The following ADRA1D variants were observed in gnomAD, a reference collection of about 807,000 sequenced individuals.
ADRA1D encodes adrenoceptor alpha 1D.
ADRA1D carries 22 observed loss-of-function variants against 18.6 expected under a neutral mutation model. The observed-to-expected ratio is 1.19, with a 90% confidence interval of 0.85 to 1.69. The LOEUF is 1.69. ADRA1D is among the 40% of genes most tolerant of loss of function. The pLI, the probability that ADRA1D is intolerant of heterozygous loss-of-function variation, is 0.00. For missense variants in ADRA1D, 840 were observed against 840.7 expected (o/e 1.00, Z 0.01); for synonymous variants, 376 against 388.2 (o/e 0.97, Z 0.37).
chr20:4,232,778 T>C (rs936268423), intron 1 of ADRA1D, among the ~76,000 whole-genome samples: 12 of 152,104 alleles, frequency 7.9e-5, no homozygotes, highest in Non-Finnish European at 1.6e-4. Flanking sequence ...TTCAACTGGG[T>C]CCATGACACC....
chr20:4,242,200 G>T (rs894370916), intron 1 of ADRA1D, among the ~76,000 whole-genome samples: 2 of 152,180 alleles, frequency 1.3e-5, no homozygotes, highest in Non-Finnish European at 2.9e-5. Context: ...GGCTTATTTT[G>T]CGCAGTATAA....
In ADRA1D at chr20:4,248,980, C is replaced by G; in HGVS notation, c.-23G>C. ...CATCTCAACGCGCGGCCGTCGGTGGCCGGGCCGGGGCACAGAACGAGCGGC... is the reference window on the plus strand; with the variant it reads ...CATCTCAACGCGCGGCCGTCGGTGGGCGGGCCGGGGCACAGAACGAGCGGC... On this transcript the variant is annotated 5_prime_UTR_variant, in exon 1 of 2. Transcript: ENST00000379453. 7.5e-7 allele frequency: 1 copy of G among 1,325,898 alleles called. No individual in the cohort carries two copies. The highest frequency in any genetic ancestry group is 9.7e-7 in the Non-Finnish European group (1 of 1,027,238). 82.1% of individuals were successfully genotyped at this position (1,325,898 alleles called of 1,614,324 possible). A position where few individuals can be genotyped will look rare whatever the true frequency, so the allele number is the denominator to read the frequency against.
In ADRA1D at chr20:4,241,494, A is replaced by G. The variant is rs902436833; in HGVS notation, c.1111+6353T>C. On this transcript the variant is annotated intron_variant, in intron 1 of 1. Transcript: ENST00000379453. ...AATGGAGGGCTGTGCTTTGCCACCC[A>G]GACCCTTGGTGTGGCAGGATGGGAA... Among the ~76,000 whole-genome samples, 10 of 152,362 alleles carry G rather than the reference A, an allele frequency of 6.6e-5. No individual in the cohort carries two copies. In the East Asian group the frequency reaches 7.7e-4, roughly 12 times the overall value.
intron 1 of ADRA1D, 144 bp downstream of exon 1, chr20:4,247,703 T>A (rs998369640): frequency 3.1e-6 from 3 of 961,302 alleles, no homozygotes; most frequent in Non-Finnish European, 4.4e-6. Flanking sequence ...AAATGGTGCA[T>A]GCACACCTGC....
At position 4,248,733 on chromosome 20, in the gene ADRA1D, C is replaced by G. The variant is rs1281786527; in HGVS notation, c.225G>C (p.Ala75=). The G allele has an allele frequency of 4.5e-6, 7 of 1,541,146 alleles. No individual in the cohort carries two copies. The highest frequency in any genetic ancestry group is 3.6e-4 in the Middle Eastern group (2 of 5,572). Residue 75 remains alanine, a synonymous_variant, in exon 1 of 2, where the codon GCG becomes GCC. Coordinates refer to ENST00000379453, the MANE Select transcript of ADRA1D (RefSeq NM_000678.4). ...TGCCATTCACGTCGCCGCCCGCGCC[C>G]GCGCTCCCCGGCTCCCCCGCGGAGC... ...NRSSAGEPGS[A]GAGGDVNGTA...
At position 4,221,462 on chromosome 20, in the gene ADRA1D, C is replaced by T. The variant is rs1417555425; in HGVS notation, c.*61G>A. On this transcript the variant is annotated 3_prime_UTR_variant, in exon 2 of 2. Coordinates refer to ENST00000379453, the MANE Select transcript of ADRA1D (RefSeq NM_000678.4). ...CACGGGGGCTCTTAGAACACCAGCCCGCCTCTCTGGTCCCCCTTACCCCCA... is the reference window on the plus strand; with the variant it reads ...CACGGGGGCTCTTAGAACACCAGCCTGCCTCTCTGGTCCCCCTTACCCCCA... The T allele has an allele frequency of 6.6e-7, 1 of 1,518,414 alleles. No homozygotes were observed. The highest frequency in any genetic ancestry group is 8.9e-7 in the Non-Finnish European group (1 of 1,125,696). The allele number at this position is 1,518,414 out of a possible 1,614,324, so 94.1% of individuals were successfully genotyped here.
At chr20:4,237,657 ATT>A (rs11476310) in intron 1 of ADRA1D, among the ~76,000 whole-genome samples, 275 of 121,022 alleles carry the variant, frequency 2.3e-3, no homozygotes, top group African/African-American at 5.0e-3. Flanking sequence ...TAATGTCAGG[ATT>A]TTTTTTTTTT....
At chr20:4,232,394 T>C (rs1333101664) in intron 1 of ADRA1D, among the ~76,000 whole-genome samples, 1 of 152,208 alleles carries the variant, frequency 6.6e-6, no homozygotes, top group Non-Finnish European at 1.5e-5. Flanking sequence ...GTGTGCGTGC[T>C]CGGAGCATGC....
chr20:4,237,950 AAG>A (rs1394022866), intron 1 of ADRA1D, among the ~76,000 whole-genome samples: 1 of 145,878 alleles, frequency 6.9e-6, no homozygotes, highest in Non-Finnish European at 1.5e-5. Context: ...ATATTCTTTT[AAG>A]AGTTAAGAGG....
At position 4,238,981 on chromosome 20, in the gene ADRA1D, C is replaced by T. The variant is rs538298972; in HGVS notation, c.1111+8866G>A. Among the ~76,000 whole-genome samples, 4 of 151,988 alleles carry T rather than the reference C, an allele frequency of 2.6e-5. No individual in the cohort carries two copies. The East Asian group carries it at 7.8e-4, about 30-fold the overall frequency. On this transcript the variant is annotated intron_variant, in intron 1 of 1. Transcript: ENST00000379453. ...CAGGGAGGTGAAGGCTTGGTCAAGG[C>T]TGGGGTTGATGAGCAGGTGTAATGG...
chr20:4,247,213 A>T (rs1345069159), intron 1 of ADRA1D, among the ~76,000 whole-genome samples: 1 of 152,160 alleles, frequency 6.6e-6, no homozygotes, highest in East Asian at 1.9e-4. Context: ...AACGATTAAC[A>T]ATATGAACTT....
In ADRA1D at chr20:4,235,711, C is replaced by T. The variant is rs137904060; in HGVS notation, c.1111+12136G>A. 4.8e-3 allele frequency among the ~76,000 whole-genome samples: 728 copies of T among 152,400 alleles called. 3 individuals carry two copies. Among genetic ancestry groups the T allele is most frequent in the African/African-American group, 0.016 (678 of 41,594 alleles). ...GCTGTCCGGGAGTCCCAGCACTGAG[C>T]CGCCTGGGCTTTGCCCACTGGCCTC... On this transcript the variant is annotated intron_variant, in intron 1 of 1. Transcript: ENST00000379453.
At chr20:4,229,804 C>T (rs1262645496) in intron 1 of ADRA1D, among the ~76,000 whole-genome samples, 3 of 151,950 alleles carry the variant, frequency 2.0e-5, no homozygotes, top group Non-Finnish European at 2.9e-5. Context: ...GCCCCTGCCC[C>T]CTGAATCTTT....
rs748426764 is a variant in ADRA1D at position 4,221,735 on chromosome 20, A to T, written c.1507T>A (p.Phe503Ile). ...AFREWRLLGP[F>I]RRPTTQLRAK... ...CGCAGCTGGGTCGTGGGTCTCCGGA[A>T]CGGCCCCAGCAGCCTCCACTCGCGG... Residue 503 changes from phenylalanine to isoleucine, a missense_variant, in exon 2 of 2, where the codon TTC (phenylalanine) becomes ATC (isoleucine). Phe to Ile is a conservative substitution (Grantham distance 21). Transcript: ENST00000379453. The T allele has an allele frequency of 1.2e-6, 2 of 1,604,908 alleles. No individual in the cohort carries two copies. Among genetic ancestry groups the T allele is most frequent in the Non-Finnish European group, 1.7e-6 (2 of 1,177,994 alleles).
At chr20:4,231,910 T>C (rs1174415469) in intron 1 of ADRA1D, among the ~76,000 whole-genome samples, 3 of 152,056 alleles carry the variant, frequency 2.0e-5, no homozygotes, top group African/African-American at 7.2e-5. Context: ...CTGGGTTTTC[T>C]TTTTCTTTTT....
rs200594819 is a variant in ADRA1D, at chr20:4,248,430, G to A, written c.528C>T (p.Asp176=). 3 of 1,611,418 alleles carry A rather than the reference G, an allele frequency of 1.9e-6. No individual in the cohort carries two copies. The highest frequency in any genetic ancestry group is 1.7e-4 in the Middle Eastern group (1 of 6,056). Residue 176 remains aspartate (D), a synonymous_variant, in exon 1 of 2, where the codon GAC becomes GAT. Transcript: ENST00000379453. ...RAFCDVWAAV[D]VLCCTASILS... ...GGATGGAGGCCGTGCAGCACAGCAC[G>A]TCCACGGCGGCCCATACGTCGCAGA...
intron 1 of ADRA1D, among the ~76,000 whole-genome samples, chr20:4,245,709 G>A (rs1286778619): frequency 1.3e-5 from 2 of 152,162 alleles, no homozygotes; most frequent in South Asian, 2.1e-4. Context: ...AGTGTGAACC[G>A]AGGGGCAGGG....
intron 1 of ADRA1D, among the ~76,000 whole-genome samples, chr20:4,240,369 G>A (rs1981184215): frequency 6.7e-6 from 1 of 148,268 alleles, no homozygotes; most frequent in African/African-American, 2.5e-5. Context: ...GATATTTGAT[G>A]ATATTAAATG....
chr20:4,246,470 G>C (rs1029946640), intron 1 of ADRA1D, among the ~76,000 whole-genome samples: 1 of 152,160 alleles, frequency 6.6e-6, no homozygotes, highest in African/African-American at 2.4e-5. Context: ...AAGTGCAAAG[G>C]CCTGAGGACA....
Sources: allele counts gnomAD v4.1 joint callset (sites outside exome capture counted in the v4.1 genomes callset), GRCh38; gene constraint gnomAD v4.1.1; transcripts MANE v1.5; gene names NCBI Gene and HGNC (gene_info 2026-07-23, HGNC 2026-07-21).